FGD6: variants seen among roughly 807,000 people sequenced by gnomAD.
The protein encoded by FGD6 is FYVE, RhoGEF and PH domain containing 6.
Under a neutral mutation model 149.4 loss-of-function variants are expected in FGD6, and 90 were observed. That is an observed-to-expected ratio of 0.60 (90% CI 0.51 to 0.72). The LOEUF (loss-of-function observed/expected upper bound fraction) is 0.72. Among genes scored for constraint, FGD6 ranks in the 30% least tolerant of loss-of-function variants. The pLI is 0.00. For missense variants in FGD6, 1,437 were observed against 1,684.8 expected (o/e 0.85, Z 2.57); for synonymous variants, 527 against 584.0 (o/e 0.90, Z 1.41).
chr12:95,085,795 T>G lies in FGD6; in HGVS notation c.4092A>C (p.Thr1364=). Residue 1364 remains threonine (T), a synonymous_variant, in exon 19 of 21, where the codon ACA becomes ACC. Transcript: ENST00000343958. ...CAGATCTTACCTCACTTGCAGCATA[T>G]GTATATAGTACTTTATTTTTTATGA... is the stretch of plus-strand genomic sequence containing the variant. The part of the protein sequence containing the change: ...WFVIKNKVLY[T]YAASEDVAAL... 6.2e-7 allele frequency: 1 copy of G among 1,609,850 alleles called. No homozygotes were observed. The highest frequency in any genetic ancestry group is 1.1e-5 in the South Asian group (1 of 89,294).
intron 2 of FGD6, among the ~76,000 whole-genome samples, chr12:95,198,574 G>C (rs1188714173): frequency 6.6e-6 from 1 of 152,108 alleles, no homozygotes; most frequent in African/African-American, 2.4e-5. Flanking sequence ...CGAGTAGCTA[G>C]GACTACAGGG....
chr12:95,139,497 A>G (rs935120432), intron 6 of FGD6, among the ~76,000 whole-genome samples: 2 of 151,828 alleles, frequency 1.3e-5, no homozygotes, highest in Non-Finnish European at 2.9e-5. Flanking sequence ...CTTAAGAAAA[A>G]AAAAAAGATT....
At position 95,077,464 on chromosome 12, in the gene FGD6, G is replaced by C. The variant is rs1744337920; in HGVS notation, c.*4056C>G. The C allele has an allele frequency of 6.6e-6, 1 of 152,086 alleles. No homozygotes were observed. The highest frequency in any genetic ancestry group is 1.5e-5 in the Non-Finnish European group (1 of 68,126). 9.4% of individuals were successfully genotyped at this position (152,086 alleles called of 1,614,324 possible). A position where few individuals can be genotyped will look rare whatever the true frequency, so the allele number is the denominator to read the frequency against. On this transcript the variant is annotated 3_prime_UTR_variant, in exon 21 of 21. Coordinates refer to ENST00000343958, the MANE Select transcript of FGD6 (RefSeq NM_018351.4). ...GTCAATGAGGAAGGAAAAGGAAACTGTGTGAACAAAGAAAGGTTGGGTAAG... is the reference window on the plus strand; with the variant it reads ...GTCAATGAGGAAGGAAAAGGAAACTCTGTGAACAAAGAAAGGTTGGGTAAG...
intron 1 of FGD6, among the ~76,000 whole-genome samples, chr12:95,211,866 G>A (rs2056729355): frequency 6.6e-6 from 1 of 152,120 alleles, no homozygotes; most frequent in African/African-American, 2.4e-5. Context: ...CAAAAAATGA[G>A]ATAATTGACT....
chr12:95,209,614 A>G lies in FGD6; in HGVS notation c.1670T>C (p.Met557Thr). 2.5e-6 allele frequency: 4 copies of G among 1,613,746 alleles called. No individual in the cohort carries two copies. Among genetic ancestry groups the G allele is most frequent in the South Asian group, 2.2e-5 (2 of 90,974 alleles). The change falls in exon 2 of 21, where the codon ATG becomes ACG. Residue 557 changes from methionine (M) to threonine (T), a missense_variant. By Grantham distance (81) the Met-to-Thr change is moderately conservative. Around this residue, in one of 2 missense-constraint regions of FGD6, gnomAD observed 1,055 missense variants for 1,146.0 expected, o/e 0.92. Transcript: ENST00000343958. ...QNRGVSSSFD[M>T]PKRASEKPVW... ...TGGCTTTTCTGAAGCCCGTTTAGGC[A>G]TATCAAAGGAGGATGACACACCACG... is the stretch of plus-strand genomic sequence containing the variant.
At position 95,138,361 on chromosome 12, in the gene FGD6, T is replaced by C. The variant is rs532346248; in HGVS notation, c.2838-683A>G. On this transcript the variant is annotated intron_variant, in intron 6 of 20. Coordinates refer to ENST00000343958, the MANE Select transcript of FGD6 (RefSeq NM_018351.4). ...GAGTTTGAGACCAGCCTGGCCAACA[T>C]GGTAAAACCCTGCCTCTACTAAAAA... 3.6e-3 allele frequency among the ~76,000 whole-genome samples: 548 copies of C among 151,932 alleles called. 11 individuals are homozygous for C. Among genetic ancestry groups the C allele is most frequent in the Non-Finnish European group, 5.7e-4 (39 of 67,942 alleles).
chr12:95,198,622 G>A (rs925608256), intron 2 of FGD6, among the ~76,000 whole-genome samples: 2 of 152,114 alleles, frequency 1.3e-5, no homozygotes, highest in Non-Finnish European at 2.9e-5. Context: ...TGTATTTTTA[G>A]TAGAGATGGG....
chr12:95,104,305 AT>A (rs2136239590), intron 14 of FGD6, among the ~76,000 whole-genome samples: 1 of 152,294 alleles, frequency 6.6e-6, no homozygotes, highest in East Asian at 1.9e-4. Flanking sequence ...ATGTTTATGT[AT>A]TCTTAAAAAT....
intron 7 of FGD6, among the ~76,000 whole-genome samples, chr12:95,137,171 C>G (rs547335462): frequency 3.3e-5 from 5 of 152,032 alleles, no homozygotes; most frequent in Non-Finnish European, 7.4e-5. Context: ...CCCAACTACT[C>G]GGGAAGCTGA....
At position 95,092,730 on chromosome 12, in the gene FGD6, C is replaced by T; in HGVS notation, c.3716G>A (p.Trp1239Ter). The change falls in exon 16 of 21, where the codon TGG becomes TAG. Residue 1239 changes from tryptophan to a stop codon, truncating the protein, a stop_gained. Transcript: ENST00000343958. LOFTEE classifies it high-confidence loss of function. ...MICTSEFTLT[W>*]RRHHCRACGK... The stretch of plus-strand genomic sequence containing the variant: ...ACAGGCCCGGCAGTGGTGTCGTCTC[C>T]AGGTGAGAGTGAATTCGCTTGTGCA... 6.2e-7 allele frequency: 1 copy of T among 1,614,078 alleles called. No homozygotes were observed. Among genetic ancestry groups the T allele is most frequent in the Non-Finnish European group, 8.5e-7 (1 of 1,180,010 alleles).
chr12:95,107,625 G>C lies in FGD6; in HGVS notation c.3271C>G (p.Leu1091Val). 1 of 1,613,892 alleles carries C rather than the reference G, an allele frequency of 6.2e-7. No individual in the cohort carries two copies. Among genetic ancestry groups the C allele is most frequent in the South Asian group, 1.1e-5 (1 of 91,064 alleles). Residue 1091 changes from leucine to valine, a missense_variant, in exon 12 of 21, where the codon CTC becomes GTC. Transcript: ENST00000343958. ...HEIVQPGRVF[L>V]KEGILMKLSR... ...AGCTTCATCAGAATTCCTTCTTTGA[G>C]AAAAACCTGATTCACCCAAACAAAC...
At chr12:95,204,770 A>G (rs560503338) in intron 2 of FGD6, among the ~76,000 whole-genome samples, 14 of 152,260 alleles carry the variant, frequency 9.2e-5, no homozygotes, top group Non-Finnish European at 1.6e-4. Context: ...TGGGGTAGGG[A>G]GAGGAGTGGA....
chr12:95,145,671 C>T (rs144060251), intron 5 of FGD6, among the ~76,000 whole-genome samples: 12 of 152,032 alleles, frequency 7.9e-5, no homozygotes, highest in Middle Eastern at 3.4e-3. Context: ...TGCAGTGGTC[C>T]CTATGTCTGT....
chr12:95,084,662 A>G lies in FGD6; in HGVS notation c.4108-16T>C, dbSNP rs1339732042. On this transcript the variant is annotated splice_polypyrimidine_tract_variant and intron_variant, in intron 19 of 20. Coordinates refer to ENST00000343958, the MANE Select transcript of FGD6 (RefSeq NM_018351.4). Reference sequence around the variant, plus strand: ...CGGCCACGTCCTAATTTAAAAACATACAAATGGAGAAAAGTTTTTAGATTG... The same window carrying G: ...CGGCCACGTCCTAATTTAAAAACATGCAAATGGAGAAAAGTTTTTAGATTG... 6.4e-7 allele frequency: 1 copy of G among 1,554,646 alleles called. No individual in the cohort carries two copies. Among genetic ancestry groups the G allele is most frequent in the East Asian group, 2.3e-5 (1 of 43,256 alleles).
At chr12:95,143,890 C>T (rs1443757984) in intron 5 of FGD6, among the ~76,000 whole-genome samples, 3 of 152,300 alleles carry the variant, frequency 2.0e-5, no homozygotes, top group East Asian at 3.9e-4. Context: ...CTCAGCAAAG[C>T]AATAAGCGCC....
Position 95,208,861 on chromosome 12 carries a change from G to C in FGD6, c.2423C>G (p.Pro808Arg). 1 of 1,612,988 alleles carries C rather than the reference G, an allele frequency of 6.2e-7. No homozygotes were observed. Among genetic ancestry groups the C allele is most frequent in the Non-Finnish European group, 8.5e-7 (1 of 1,179,400 alleles). ...EAPDGQLQLG[P>R]RHQHSSSGAS... ...CTGTTACCTGGAATGCTGATGTCTG[G>C]GTCCAAGCTGCAGCTGGCCATCTGG... The change falls in exon 2 of 21, where the codon CCC becomes CGC. Residue 808 changes from proline to arginine, a missense_variant. By Grantham distance (103) the Pro-to-Arg change is moderately radical. Coordinates refer to ENST00000343958, the MANE Select transcript of FGD6 (RefSeq NM_018351.4).
At chr12:95,084,423 G>A (rs924776426) in intron 20 of FGD6, 75 bp downstream of exon 20, 80 of 1,293,616 alleles carry the variant, frequency 6.2e-5, no homozygotes, top group Middle Eastern at 6.0e-4. Flanking sequence ...ATGCCTTAAA[G>A]TAGGTCATTT....
chr12:95,190,241 C>A (rs991942448), intron 2 of FGD6, among the ~76,000 whole-genome samples: 6 of 152,202 alleles, frequency 3.9e-5, no homozygotes, highest in African/African-American at 1.4e-4. Flanking sequence ...ACAATCTCGG[C>A]TCACTGCAAC....
At chr12:95,124,141 A>G (rs1415032099) in intron 8 of FGD6, among the ~76,000 whole-genome samples, 1 of 141,454 alleles carries the variant, frequency 7.1e-6, no homozygotes, top group Admixed American at 7.2e-5. Flanking sequence ...TGAACTCCTG[A>G]GCTCAATGGA....
Sources: allele counts gnomAD v4.1 joint callset (sites outside exome capture counted in the v4.1 genomes callset), GRCh38; gene constraint gnomAD v4.1.1; regional missense constraint gnomAD v4.1.1; transcripts MANE v1.5; gene names NCBI Gene and HGNC (gene_info 2026-07-23, HGNC 2026-07-21).